The following CYP51A1 variants were observed in gnomAD, a reference collection of about 807,000 sequenced individuals.
CYP51A1 encodes the protein lanosterol 14-alpha demethylase.
CYP51A1 carries 45 observed loss-of-function variants against 53.5 expected under a neutral mutation model. That is an observed-to-expected ratio of 0.84 (90% CI 0.66 to 1.08). The LOEUF is 1.08. Among genes scored for constraint, CYP51A1 ranks in the 50% least tolerant of loss-of-function variants. The pLI is 0.00. For synonymous variants in CYP51A1, 181 were observed against 217.7 expected (o/e 0.83, Z 1.48); for missense variants, 462 against 621.7 (o/e 0.74, Z 2.73).
In CYP51A1 at chr7:92,117,126, T is replaced by C. The variant is rs1220953684; in HGVS notation, c.1269A>G (p.Glu423=). Residue 423 remains glutamate, a synonymous_variant, in exon 9 of 10, where the codon GAA becomes GAG. Transcript: ENST00000003100. Reference sequence around the variant, plus strand: ...AGCGATCAGGATTAAAGTCCAGGCGTTCTACCCATGAGTCTTTAAGTCTTT... The same window carrying C: ...AGCGATCAGGATTAAAGTCCAGGCGCTCTACCCATGAGTCTTTAAGTCTTT... ...VNQRLKDSWV[E]RLDFNPDRYL... 6.2e-7 allele frequency: 1 copy of C among 1,614,008 alleles called. No homozygotes were observed. The highest frequency in any genetic ancestry group is 8.5e-7 in the Non-Finnish European group (1 of 1,180,006).
intron 8 of CYP51A1, among the ~76,000 whole-genome samples, 171 bp downstream of exon 8, chr7:92,118,349 G>A (rs1263598087): frequency 6.6e-6 from 1 of 151,948 alleles, no homozygotes; most frequent in Non-Finnish European, 1.5e-5. Context: ...TAGAGATGAG[G>A]TCAGTCTCAC....
At position 92,112,336 on chromosome 7, in the gene CYP51A1, C is replaced by T. The variant is rs188361781; in HGVS notation, c.*1329G>A. On this transcript the variant is annotated 3_prime_UTR_variant, in exon 10 of 10. Transcript: ENST00000003100. The stretch of plus-strand genomic sequence containing the variant: ...TCAGCCATCTCATATAGTTAGGCCC[C>T]GAGTTACAATTTGAGATAAGTTGAT... 24 of 152,182 alleles carry T rather than the reference C, an allele frequency of 1.6e-4. No homozygotes were observed. Among genetic ancestry groups the T allele is most frequent in the Non-Finnish European group, 2.6e-4 (18 of 67,998 alleles). 9.4% of individuals were successfully genotyped at this position (152,182 alleles called of 1,614,324 possible).
In CYP51A1 at chr7:92,121,337, C is replaced by A. The variant is rs997212555; in HGVS notation, c.1086+1783G>T. 2.0e-5 allele frequency among the ~76,000 whole-genome samples: 3 copies of A among 149,356 alleles called. No individual in the cohort carries two copies. The South Asian group carries it at 6.4e-4, about 32-fold the overall frequency. On this transcript the variant is annotated intron_variant, in intron 7 of 9. Coordinates refer to ENST00000003100, the MANE Select transcript of CYP51A1 (RefSeq NM_000786.4). ...CTATTATAATAAAAAAATCAAGTAA[C>A]AAGTTTGGTGAGGGGGTGAAGTCAG...
chr7:92,124,572 A>G (rs1232198819), intron 5 of CYP51A1, among the ~76,000 whole-genome samples: 11 of 152,172 alleles, frequency 7.2e-5, no homozygotes, highest in Non-Finnish European at 1.6e-4. Flanking sequence ...AGCCTTCTAA[A>G]AAAAACTCCT....
At chr7:92,118,428 G>A (rs112380102) in intron 8 of CYP51A1, 92 bp downstream of exon 8, 1 of 779,712 alleles carries the variant, frequency 1.3e-6, no homozygotes, top group African/African-American at 1.7e-5. Flanking sequence ...CCAAAGTGTT[G>A]AGATTACAGG....
At chr7:92,134,021 G>T (rs1819984800) in intron 1 of CYP51A1, 152 bp downstream of exon 1, 2 of 681,460 alleles carry the variant, frequency 2.9e-6, no homozygotes, top group African/African-American at 3.9e-5. Context: ...CCCCCAGCGC[G>T]CCTGCCACCA....
At chr7:92,117,280 T>C (rs1563177464) in intron 8 of CYP51A1, 68 bp from the exon 9 acceptor site, 3 of 1,392,694 alleles carry the variant, frequency 2.2e-6, no homozygotes, top group Admixed American at 1.8e-5. Flanking sequence ...CAGATCATTG[T>C]GTAATAAAGC....
At chr7:92,116,974 C>T (rs546743997) in intron 9 of CYP51A1, 70 bp downstream of exon 9, 13 of 1,439,762 alleles carry the variant, frequency 9.0e-6, no homozygotes, top group South Asian at 4.3e-5. Context: ...AAACACAATT[C>T]GGAATATTTT....
At chr7:92,119,752 T>C (rs909029007) in intron 7 of CYP51A1, among the ~76,000 whole-genome samples, 1 of 151,874 alleles carries the variant, frequency 6.6e-6, no homozygotes, top group African/African-American at 2.4e-5. Flanking sequence ...GGCCAGTACA[T>C]AGAAAAAGCA....
intron 7 of CYP51A1, among the ~76,000 whole-genome samples, chr7:92,122,828 CATA>C (rs1819717332): frequency 6.6e-6 from 1 of 152,196 alleles, no homozygotes. Context: ...ACAACATGCA[CATA>C]ATATCCTCTA....
At position 92,123,721 on chromosome 7, in the gene CYP51A1, G is replaced by T; in HGVS notation, c.890+13C>A. 1 of 1,594,960 alleles carries T rather than the reference G, an allele frequency of 6.3e-7. No individual in the cohort carries two copies. ...CCTGCTTCAGCTTAATATGTTATCT[G>T]AATAGCTCTTACTTGTATGTAGCAT... On this transcript the variant is annotated intron_variant, in intron 6 of 9. Coordinates refer to ENST00000003100, the MANE Select transcript of CYP51A1 (RefSeq NM_000786.4).
chr7:92,134,642 G>A (rs1343337703), upstream of CYP51A1: 1 of 426,564 alleles, frequency 2.3e-6, no homozygotes, highest in Non-Finnish European at 4.2e-6. Flanking sequence ...TGGCACAGTG[G>A]TACGGGGCCG....
At chr7:92,127,719 C>T (rs1406338821) in intron 3 of CYP51A1, 88 bp from the exon 4 acceptor site, 9 of 1,314,724 alleles carry the variant, frequency 6.8e-6, no homozygotes, top group Non-Finnish European at 9.7e-6. Flanking sequence ...AATTATGTAA[C>T]ACTAACACAA....
At chr7:92,126,122 G>A (rs1471634538) in intron 5 of CYP51A1, 131 bp downstream of exon 5, 4 of 567,700 alleles carry the variant, frequency 7.0e-6, no homozygotes, top group South Asian at 4.3e-5. Context: ...TAGAAGAAAG[G>A]GGATTCATAA....
chr7:92,118,762 T>G lies in CYP51A1; in HGVS notation c.1087-147A>C, dbSNP rs1170905246. 9 of 599,188 alleles carry G rather than the reference T, an allele frequency of 1.5e-5. No homozygotes were observed. In the East Asian group the frequency reaches 2.6e-4, roughly 17 times the overall value. The allele number at this position is 599,188 out of a possible 1,614,324, so 37.1% of individuals were successfully genotyped here. ...TGGTTCAGGGTGGCTGGGGTTATCA[T>G]GCTCTACCACTGTCCATGGTGAAAA... On this transcript the variant is annotated intron_variant, in intron 7 of 9. Coordinates refer to ENST00000003100, the MANE Select transcript of CYP51A1 (RefSeq NM_000786.4).
At position 92,112,198 on chromosome 7, in the gene CYP51A1, C is replaced by CCTT. The variant is rs1279487882; in HGVS notation, c.*1464_*1466dup. 3.9e-5 allele frequency: 6 copies of CCTT among 152,092 alleles called. No individual in the cohort carries two copies. The highest frequency in any genetic ancestry group is 1.4e-4 in the African/African-American group (6 of 41,408). 9.4% of individuals were successfully genotyped at this position (152,092 alleles called of 1,614,324 possible). ...ATCTGAAAAATTAGCAGAGATTCTG[C>CCTT]CTTCACAATTAGAGTTTAACATGAG... On this transcript the variant is annotated 3_prime_UTR_variant, in exon 10 of 10. Coordinates refer to ENST00000003100, the MANE Select transcript of CYP51A1 (RefSeq NM_000786.4).
At chr7:92,131,144 G>A (rs1007128486) in intron 2 of CYP51A1, among the ~76,000 whole-genome samples, 5 of 152,164 alleles carry the variant, frequency 3.3e-5, no homozygotes, top group African/African-American at 1.2e-4. Context: ...GAAAGTAAAT[G>A]GAATGCAAGA....
chr7:92,126,123 G>A lies in CYP51A1; in HGVS notation c.770+130C>T, dbSNP rs929364012. 3.0e-4 allele frequency: 173 copies of A among 571,100 alleles called. 1 individual carries two copies. The highest frequency in any genetic ancestry group is 4.8e-4 in the Non-Finnish European group (168 of 351,256). 35.4% of individuals were successfully genotyped at this position (571,100 alleles called of 1,614,324 possible). A position where few individuals can be genotyped will look rare whatever the true frequency, so the allele number is the denominator to read the frequency against. On this transcript the variant is annotated intron_variant, in intron 5 of 9. Transcript: ENST00000003100. ...GTCTTGAATTCTTATAGAAGAAAGGGGATTCATAATCTTACCCATTTTGTA... is the reference window on the plus strand; with the variant it reads ...GTCTTGAATTCTTATAGAAGAAAGGAGATTCATAATCTTACCCATTTTGTA...
In CYP51A1 at chr7:92,128,892, A is replaced by G. The variant is rs766350147; in HGVS notation, c.456T>C (p.Asp152=). Residue 152 remains aspartate (D), a synonymous_variant, in exon 3 of 10, where the codon GAT becomes GAC. Transcript: ENST00000003100. Reference sequence around the variant, plus strand: ...CAGTGTCACCTACTGGATTAGGCACATCGTATGCAACTCCCTTCCCAAACA... The same window carrying G: ...CAGTGTCACCTACTGGATTAGGCACGTCGTATGCAACTCCCTTCCCAAACA... ...TPVFGKGVAY[D]VPNPVFLEQK... is the part of the protein sequence containing the mutation. The G allele has an allele frequency of 1.9e-6, 3 of 1,611,314 alleles. No individual in the cohort carries two copies. In the South Asian group the frequency reaches 3.3e-5, roughly 18 times the overall value.
Sources: gnomAD v4.1 joint callset for allele counts (sites outside exome capture counted in the v4.1 genomes callset) on GRCh38, gnomAD v4.1.1 for gene constraint, MANE v1.5 for transcripts, NCBI Gene and HGNC (gene_info 2026-07-23, HGNC 2026-07-21) for gene names.